PROM2: variants seen among roughly 807,000 people sequenced by gnomAD.
PROM2 encodes prominin 2.
PROM2 carries 90 observed loss-of-function variants against 110.2 expected under a neutral mutation model. The ratio of observed to expected loss-of-function variants is 0.82; its 90% CI spans 0.69 to 0.97. The LOEUF is 0.97. PROM2 is among the 50% of genes least tolerant of loss of function. PROM2 has a pLI of 0.00. For synonymous variants in PROM2, 470 were observed against 467.8 expected, an observed-to-expected ratio of 1.00 and a Z score of -0.06; for missense variants, 1,009 against 1,074.8, an observed-to-expected ratio of 0.94 and a Z score of 0.86.
In PROM2 at chr2:95,276,268, A is replaced by T. The variant is rs760700739; in HGVS notation, c.539A>T (p.His180Leu). 9 of 1,613,778 alleles carry T rather than the reference A, an allele frequency of 5.6e-6. No individual in the cohort carries two copies. Among genetic ancestry groups the T allele is most frequent in the Non-Finnish European group, 6.8e-6 (8 of 1,180,028 alleles). The change falls in exon 4 of 24, where the codon CAT (histidine) becomes CTT (leucine). Residue 180 changes from histidine (H) to leucine (L), a missense_variant. His to Leu is a moderately conservative substitution (Grantham distance 99). Transcript: ENST00000317620. This position sits in a 1 kb window ranked among gnomAD's most constrained non-coding sequence, Gnocchi z 4.6. Reference protein sequence around the residue: ...VCAFVTNQRTHEQMGPSIEAM... With the variant: ...VCAFVTNQRTLEQMGPSIEAM... The stretch of plus-strand genomic sequence containing the variant: ...GCCTTTGTCACCAACCAGCGCACGC[A>T]TGAACAGATGGGCCCCAGCATCGAG...
rs1346121204 is a variant in PROM2, at chr2:95,274,531, T to G, written c.-55T>G. ...AGAGGCTGGAGAAGGATGTATGGCC[T>G]GCCCTGGGCTTGTCTGTTCCCTCCT... On this transcript the variant is annotated 5_prime_UTR_variant, in exon 1 of 24. Transcript: ENST00000317620. The G allele has an allele frequency of 4.0e-6, 6 of 1,498,464 alleles. No homozygotes were observed. In the African/African-American group the frequency reaches 8.4e-5, roughly 21 times the overall value. 92.8% of individuals were successfully genotyped at this position (1,498,464 alleles called of 1,614,324 possible).
Position 95,279,958 on chromosome 2 carries a change from C to T in PROM2, c.1388C>T (p.Pro463Leu), listed in dbSNP as rs1237765088. 2.6e-6 allele frequency: 4 copies of T among 1,511,766 alleles called. No individual in the cohort carries two copies. Among genetic ancestry groups the T allele is most frequent in the Non-Finnish European group, 2.7e-6 (3 of 1,128,026 alleles). The allele number at this position is 1,511,766 out of a possible 1,614,324, so 93.6% of individuals were successfully genotyped here. ...TCTGCCAGGGACGACCCCAGCCACCCAGAAGCCAAGGGCGAGGCTGGAGCC... is the reference window on the plus strand; with the variant it reads ...TCTGCCAGGGACGACCCCAGCCACCTAGAAGCCAAGGGCGAGGCTGGAGCC... ...GLSARDDPSHPEAKGEAGARF... is the reference protein window; with the variant it reads ...GLSARDDPSHLEAKGEAGARF... The change falls in exon 11 of 24, where the codon CCA (proline) becomes CTA (leucine). Residue 463 changes from proline (P) to leucine (L), a missense_variant. Coordinates refer to ENST00000317620, the MANE Select transcript of PROM2 (RefSeq NM_001165978.3).
intron 6 of PROM2, 109 bp from the exon 7 acceptor site, chr2:95,277,255 G>A (rs1374707147): frequency 1.4e-5 from 18 of 1,291,846 alleles, no homozygotes; most frequent in Non-Finnish European, 1.9e-5. Context: ...TAGGCAGGAG[G>A]TCAATGATTT....
chr2:95,281,111 CT>C (rs1677014839), intron 11 of PROM2, 130 bp from the exon 12 acceptor site: 1 of 1,282,006 alleles, frequency 7.8e-7, no homozygotes, highest in South Asian at 1.5e-5. Context: ...CTCCAAGCTC[CT>C]TTCCTCTAAA....
At position 95,278,766 on chromosome 2, in the gene PROM2, A is replaced by G. The variant is rs1423854535; in HGVS notation, c.1096A>G (p.Thr366Ala). The change falls in exon 9 of 24, where the codon ACA (threonine) becomes GCA (alanine). Residue 366 changes from threonine (T) to alanine (A), a missense_variant. Transcript: ENST00000317620. ...CCTTCCAGCCCTGGCTGCCATGCAG[A>G]CATCCAGCGTGGTGCAAGGTTAGGC... ...NALPALAAMQ[T>A]SSVVQELKKA... 6.2e-7 allele frequency: 1 copy of G among 1,613,896 alleles called. No individual in the cohort carries two copies. Among genetic ancestry groups the G allele is most frequent in the Non-Finnish European group, 8.5e-7 (1 of 1,180,012 alleles).
Position 95,288,512 on chromosome 2 carries a change from C to T in PROM2, c.2364C>T (p.Cys788=), listed in dbSNP as rs142986790. 2.1e-5 allele frequency: 34 copies of T among 1,614,218 alleles called. No homozygotes were observed. In the African/African-American group the frequency reaches 4.1e-4, roughly 20 times the overall value. Residue 788 remains cysteine, a synonymous_variant, in exon 22 of 24, where the codon TGC becomes TGT. Coordinates refer to ENST00000317620, the MANE Select transcript of PROM2 (RefSeq NM_001165978.3). The part of the protein sequence containing the change: ...WNAFWFCLAW[C]TFFLIPSIIF... ...CCTTCTGGTTCTGCCTGGCATGGTG[C>T]ACCTTCTTCCTGATCCCCAGCATCA...
rs944037806 is a variant in PROM2 at position 95,275,033 on chromosome 2, C to T, written c.244+204C>T. Reference sequence around the variant, plus strand: ...TCACTTCCTCTCTGAGCCTCAGGTGCTCTGTCTGTAAAGTGAGGAGGTTAC... The same window carrying T: ...TCACTTCCTCTCTGAGCCTCAGGTGTTCTGTCTGTAAAGTGAGGAGGTTAC... On this transcript the variant is annotated intron_variant, in intron 1 of 23. Transcript: ENST00000317620. The surrounding 1 kb of genome is among the most constrained non-coding windows in gnomAD (Gnocchi z 4.4). 1.4e-5 allele frequency: 8 copies of T among 579,002 alleles called. No homozygotes were observed. Among genetic ancestry groups the T allele is most frequent in the Non-Finnish European group, 2.3e-5 (8 of 349,238 alleles). 35.9% of individuals were successfully genotyped at this position (579,002 alleles called of 1,614,324 possible).
At chr2:95,284,695 C>A (rs1677241493) in intron 14 of PROM2, among the ~76,000 whole-genome samples, 1 of 151,964 alleles carries the variant, frequency 6.6e-6, no homozygotes. Flanking sequence ...CGCAGAGGTG[C>A]CACACTCTTT....
In PROM2 at chr2:95,289,330, G is replaced by A; in HGVS notation, c.*117G>A. 5.4e-6 allele frequency: 2 copies of A among 367,866 alleles called. No homozygotes were observed. Among genetic ancestry groups the A allele is most frequent in the African/African-American group, 2.1e-5 (1 of 48,418 alleles). 22.8% of individuals were successfully genotyped at this position (367,866 alleles called of 1,614,324 possible). A position where few individuals can be genotyped will look rare whatever the true frequency, so the allele number is the denominator to read the frequency against. Reference sequence around the variant, plus strand: ...CCAGGCTGGCATCCAGGCCTGGACTGTCCCCAGTTCCGGCTTACCTGGCCC... The same window carrying A: ...CCAGGCTGGCATCCAGGCCTGGACTATCCCCAGTTCCGGCTTACCTGGCCC... On this transcript the variant is annotated 3_prime_UTR_variant, in exon 24 of 24. Transcript: ENST00000317620.
Position 95,274,737 on chromosome 2 carries a change from C to A in PROM2, c.152C>A (p.Ala51Asp). ...CCAGCAGCCAGGGCCCGGTGGCTGG[C>A]CCCTCGAGTTCGTGCGCCAGGACTC... ...FTPAARARWL[A>D]PRVRAPGLLD... The change falls in exon 1 of 24, where the codon GCC becomes GAC. Residue 51 changes from alanine (A) to aspartate (D), a missense_variant. Coordinates refer to ENST00000317620, the MANE Select transcript of PROM2 (RefSeq NM_001165978.3). 6.2e-7 allele frequency: 1 copy of A among 1,612,032 alleles called. No individual in the cohort carries two copies. The highest frequency in any genetic ancestry group is 8.5e-7 in the Non-Finnish European group (1 of 1,179,868).
In PROM2 at chr2:95,275,010, A is replaced by G. The variant is rs1483097257; in HGVS notation, c.244+181A>G. ...TGCTGTGTGACTGTGGGTAAGCCTC[A>G]CTTCCTCTCTGAGCCTCAGGTGCTC... On this transcript the variant is annotated intron_variant, in intron 1 of 23. Transcript: ENST00000317620. This position sits in a 1 kb window ranked among gnomAD's most constrained non-coding sequence, Gnocchi z 4.4. 7 of 686,322 alleles carry G rather than the reference A, an allele frequency of 1.0e-5. No individual in the cohort carries two copies. The highest frequency in any genetic ancestry group is 9.0e-6 in the Non-Finnish European group (4 of 445,618). 42.5% of individuals were successfully genotyped at this position (686,322 alleles called of 1,614,324 possible).
Position 95,279,157 on chromosome 2 carries a change from G to A in PROM2, c.1274+13G>A, listed in dbSNP as rs762027645. On this transcript the variant is annotated intron_variant, in intron 10 of 23. Coordinates refer to ENST00000317620, the MANE Select transcript of PROM2 (RefSeq NM_001165978.3). Reference sequence around the variant, plus strand: ...ACGAGACCTACAGGTGCTGGGCACCGCAGGGTGGGATGGGGTGGGGTGGGG... The same window carrying A: ...ACGAGACCTACAGGTGCTGGGCACCACAGGGTGGGATGGGGTGGGGTGGGG... 5.1e-6 allele frequency: 5 copies of A among 979,222 alleles called. No individual in the cohort carries two copies. Among genetic ancestry groups the A allele is most frequent in the Admixed American group, 3.2e-5 (1 of 31,692 alleles). The allele number at this position is 979,222 out of a possible 1,614,324, so 60.7% of individuals were successfully genotyped here. A position where few individuals can be genotyped will look rare whatever the true frequency, so the allele number is the denominator to read the frequency against.
chr2:95,276,953 A>T lies in PROM2; in HGVS notation c.683-19A>T, dbSNP rs1292448770. The T allele has an allele frequency of 6.4e-7, 1 of 1,550,954 alleles. No individual in the cohort carries two copies. The highest frequency in any genetic ancestry group is 8.7e-7 in the Non-Finnish European group (1 of 1,146,660). On this transcript the variant is annotated intron_variant, in intron 5 of 23. Transcript: ENST00000317620. This position sits in a 1 kb window ranked among gnomAD's most constrained non-coding sequence, Gnocchi z 4.6. The stretch of plus-strand genomic sequence containing the variant: ...CCACTCTTGGGGTCCCACCCTGCAG[A>T]CTGCCCTGTGCTCTGCAGGTGTTGG...
chr2:95,277,467 C>T lies in PROM2; in HGVS notation c.876C>T (p.Asp292=). The part of the protein sequence containing the change: ...DLEPAIREHR[D]RLLELLQEAR... ...AGCCAGCCATCCGGGAACACCGGGACCGCCTCCTTGAGCTGCTGCAGGAGG... is the reference window on the plus strand; with the variant it reads ...AGCCAGCCATCCGGGAACACCGGGATCGCCTCCTTGAGCTGCTGCAGGAGG... Residue 292 remains aspartate, a synonymous_variant, in exon 7 of 24, where the codon GAC becomes GAT. Coordinates refer to ENST00000317620, the MANE Select transcript of PROM2 (RefSeq NM_001165978.3). 1 of 1,613,002 alleles carries T rather than the reference C, an allele frequency of 6.2e-7. No homozygotes were observed. Among genetic ancestry groups the T allele is most frequent in the Non-Finnish European group, 8.5e-7 (1 of 1,179,866 alleles).
intron 21 of PROM2, 86 bp from the exon 22 acceptor site, chr2:95,288,397 G>A: frequency 6.3e-7 from 1 of 1,583,498 alleles, no homozygotes; most frequent in Non-Finnish European, 8.7e-7. Flanking sequence ...GCCAGGCATG[G>A]CCTCTGCCCC....
chr2:95,281,859 CT>C, intron 12 of PROM2, 65 bp from the exon 13 acceptor site: 1 of 1,125,078 alleles, frequency 8.9e-7, no homozygotes. Context: ...GGGCCAGGCC[CT>C]AGGGGACCAG....
intron 14 of PROM2, among the ~76,000 whole-genome samples, chr2:95,284,584 C>T (rs928935644): frequency 7.9e-5 from 12 of 152,292 alleles, no homozygotes; most frequent in African/African-American, 1.7e-4. Flanking sequence ...AGCATGGCAC[C>T]GGCAGCCGTT....
rs200882866 is a variant in PROM2 at position 95,286,501 on chromosome 2, G to A, written c.1970G>A (p.Arg657Gln). ...QAQDNSVLGQ[R>Q]LQEEAQGLRN... ...CAGGACAATTCTGTGCTGGGGCAGCGGCTGCAGGAGGAGGCCCAAGGACTC... is the reference window on the plus strand; with the variant it reads ...CAGGACAATTCTGTGCTGGGGCAGCAGCTGCAGGAGGAGGCCCAAGGACTC... The change falls in exon 17 of 24, where the codon CGG (arginine) becomes CAG (glutamine). Residue 657 changes from arginine (R) to glutamine (Q), a missense_variant. Transcript: ENST00000317620. The A allele has an allele frequency of 1.5e-5, 25 of 1,613,808 alleles. No homozygotes were observed. In the Admixed American group the frequency reaches 2.5e-4, roughly 16 times the overall value.
In PROM2 at chr2:95,289,025, G is replaced by T; in HGVS notation, c.*10+19G>T. On this transcript the variant is annotated intron_variant, in intron 23 of 23. Coordinates refer to ENST00000317620, the MANE Select transcript of PROM2 (RefSeq NM_001165978.3). ...CTTGTGGGTGAGTTTTCCCCAACTC[G>T]CTTAATTGCTCCCTGCCAGGGATTA... The T allele has an allele frequency of 6.3e-7, 1 of 1,592,344 alleles. No homozygotes were observed. The highest frequency in any genetic ancestry group is 1.3e-5 in the African/African-American group (1 of 74,496).
Sources: allele counts gnomAD v4.1 joint callset (sites outside exome capture counted in the v4.1 genomes callset), GRCh38; gene constraint gnomAD v4.1.1; non-coding constraint Gnocchi (gnomAD v3.1); transcripts MANE v1.5; gene names NCBI Gene and HGNC (gene_info 2026-07-23, HGNC 2026-07-21).